The following CCDC178 variants were observed in gnomAD, a reference collection of about 807,000 sequenced individuals.
The protein encoded by CCDC178 is coiled-coil domain containing 178, also known as coiled-coil domain-containing protein 178.
A neutral mutation model predicts 117.4 loss-of-function variants in CCDC178; 126 were observed. The observed-to-expected ratio is 1.07, with a 90% confidence interval of 0.93 to 1.24. The LOEUF (loss-of-function observed/expected upper bound fraction) is 1.24, where lower values mean the gene tolerates loss of function less well. CCDC178 is among the 50% of genes most tolerant of loss of function. The probability of loss-of-function intolerance (pLI) is 0.00; values close to 1 mark genes in which losing one functional copy is unlikely to be tolerated. For missense variants in CCDC178, 1,030 were observed against 986.9 expected, an observed-to-expected ratio of 1.04 and a Z score of -0.59; for synonymous variants, 283 against 313.4, an observed-to-expected ratio of 0.90 and a Z score of 1.02.
chr18:33,198,123 C>A (rs2058953407), intron 20 of CCDC178, among the ~76,000 whole-genome samples: 1 of 152,120 alleles, frequency 6.6e-6, no homozygotes, highest in South Asian at 2.1e-4. Context: ...CAGGACACTG[C>A]AAGTCATATT....
At chr18:33,154,516 A>G (rs1212059777) in intron 20 of CCDC178, among the ~76,000 whole-genome samples, 3 of 152,178 alleles carry the variant, frequency 2.0e-5, no homozygotes, top group African/African-American at 7.2e-5. Context: ...ATTTTAGTAG[A>G]GAACAACAAT....
At chr18:33,216,254 G>T (rs970615151) in intron 18 of CCDC178, among the ~76,000 whole-genome samples, 6 of 152,052 alleles carry the variant, frequency 3.9e-5, no homozygotes, top group African/African-American at 7.2e-5. Flanking sequence ...ATGCAAACAT[G>T]TCGTCACTGG....
chr18:33,436,962 T>A (rs969798412), intron 2 of CCDC178, among the ~76,000 whole-genome samples: 4 of 152,174 alleles, frequency 2.6e-5, no homozygotes, highest in African/African-American at 9.7e-5. Flanking sequence ...TAGGTCCTTT[T>A]TCATGCATAT....
At chr18:33,060,626 C>T (rs1321321699) in intron 21 of CCDC178, among the ~76,000 whole-genome samples, 76 of 151,952 alleles carry the variant, frequency 5.0e-4, no homozygotes, top group South Asian at 2.1e-4. Context: ...AACTTTCCCG[C>T]TATTGGTGAA....
intron 20 of CCDC178, among the ~76,000 whole-genome samples, chr18:33,134,391 T>C (rs2144268073): frequency 6.6e-6 from 1 of 152,118 alleles, no homozygotes; most frequent in Middle Eastern, 3.4e-3. Flanking sequence ...AACAGCAGTT[T>C]TAAAAACAGT....
rs539220744 is a variant in CCDC178, at chr18:33,256,628, A to G, written c.1409+10288T>C. On this transcript the variant is annotated intron_variant, in intron 14 of 22. Coordinates refer to ENST00000383096, the MANE Select transcript of CCDC178 (RefSeq NM_001105528.4). Reference sequence around the variant, plus strand: ...AAAATCTATGTTCTAAAAATTATAGATCATCTGCCATTATCTTTTTGAATA... The same window carrying G: ...AAAATCTATGTTCTAAAAATTATAGGTCATCTGCCATTATCTTTTTGAATA... Among the ~76,000 whole-genome samples, 12 of 152,178 alleles carry G rather than the reference A, an allele frequency of 7.9e-5. No homozygotes were observed. The South Asian group carries it at 2.5e-3, about 32-fold the overall frequency.
intron 10 of CCDC178, among the ~76,000 whole-genome samples, chr18:33,326,898 C>T (rs973381738): frequency 4.6e-5 from 7 of 151,960 alleles, no homozygotes; most frequent in Non-Finnish European, 5.9e-5. Flanking sequence ...TCAATTAGCC[C>T]AAAGTATCAG....
At chr18:32,983,095 C>A (rs2055185957) in intron 21 of CCDC178, among the ~76,000 whole-genome samples, 1 of 151,648 alleles carries the variant, frequency 6.6e-6, no homozygotes, top group Non-Finnish European at 1.5e-5. Context: ...ACCTTCCACT[C>A]CATTTTGCTG....
At chr18:33,114,254 T>C (rs2057822252) in intron 20 of CCDC178, among the ~76,000 whole-genome samples, 1 of 151,908 alleles carries the variant, frequency 6.6e-6, no homozygotes, top group Admixed American at 6.6e-5. Flanking sequence ...GGAGAAAGAA[T>C]ATGGAGGAAG....
chr18:33,424,250 GAAGAT>G (rs1417261529), intron 2 of CCDC178, among the ~76,000 whole-genome samples: 1 of 151,914 alleles, frequency 6.6e-6, no homozygotes, highest in Admixed American at 6.6e-5. Context: ...CTTTTGTAAA[GAAGAT>G]AAAAACGGTT....
intron 11 of CCDC178, among the ~76,000 whole-genome samples, chr18:33,301,807 T>C (rs1272182409): frequency 6.6e-6 from 1 of 152,194 alleles, no homozygotes; most frequent in Non-Finnish European, 1.5e-5. Context: ...TTTGATTTTA[T>C]AGGCTCAAAG....
chr18:33,382,234 T>C (rs1349474358), intron 5 of CCDC178, among the ~76,000 whole-genome samples: 1 of 152,192 alleles, frequency 6.6e-6, no homozygotes, highest in African/African-American at 2.4e-5. Context: ...AAGAAATAAG[T>C]ATGAACCCCA....
intron 21 of CCDC178, among the ~76,000 whole-genome samples, chr18:33,012,045 T>A (rs2055882279): frequency 6.6e-6 from 1 of 152,164 alleles, no homozygotes; most frequent in Non-Finnish European, 1.5e-5. Context: ...TCTATCACAA[T>A]AATTAAGTGG....
At chr18:33,203,342 G>T (rs1437168872) in intron 20 of CCDC178, among the ~76,000 whole-genome samples, 1 of 151,852 alleles carries the variant, frequency 6.6e-6, no homozygotes, top group East Asian at 1.9e-4. Context: ...TTTTAAGTTT[G>T]CTTTCCTGTC....
intron 9 of CCDC178, among the ~76,000 whole-genome samples, chr18:33,343,386 C>T (rs1042988723): frequency 6.6e-6 from 1 of 152,126 alleles, no homozygotes; most frequent in African/African-American, 2.4e-5. Flanking sequence ...TTCTAGTTAT[C>T]TTTTTTGATA....
rs544304150 is a variant in CCDC178 at position 33,357,546 on chromosome 18, G to C, written c.349-1200C>G. On this transcript the variant is annotated intron_variant, in intron 6 of 22. Transcript: ENST00000383096. ...AATTGTAATGTGTTACCAAAGAGTG[G>C]TGAATACAAAATTATACCTGAGTTC... 3.3e-5 allele frequency among the ~76,000 whole-genome samples: 5 copies of C among 152,142 alleles called. No homozygotes were observed. In the South Asian group the frequency reaches 1.0e-3, roughly 32 times the overall value.
chr18:32,999,759 T>C (rs1308258064), intron 21 of CCDC178, among the ~76,000 whole-genome samples: 6 of 152,172 alleles, frequency 3.9e-5, no homozygotes, highest in African/African-American at 1.4e-4. Context: ...TCTATGTGTC[T>C]GTAAGAGCCA....
rs528394529 is a variant in CCDC178, at chr18:33,370,358, T to C, written c.209-169A>G. On this transcript the variant is annotated intron_variant, in intron 5 of 22. Coordinates refer to ENST00000383096, the MANE Select transcript of CCDC178 (RefSeq NM_001105528.4). The stretch of plus-strand genomic sequence containing the variant: ...TTATAGAACAAATCTTTAAAAAACG[T>C]ACAAGCTAAAATAAAATAATCATTT... Among the ~76,000 whole-genome samples the C allele has an allele frequency of 2.0e-5, 3 of 151,974 alleles. No homozygotes were observed. In the South Asian group the frequency reaches 6.2e-4, roughly 32 times the overall value.
intron 21 of CCDC178, among the ~76,000 whole-genome samples, chr18:33,041,494 T>A (rs1305200095): frequency 6.6e-6 from 1 of 150,966 alleles, no homozygotes; most frequent in African/African-American, 2.4e-5. Flanking sequence ...GATCAAGTGA[T>A]GTCTATTTTA....
Sources: gnomAD v4.1 joint callset for allele counts (sites outside exome capture counted in the v4.1 genomes callset) on GRCh38, gnomAD v4.1.1 for gene constraint, MANE v1.5 for transcripts, NCBI Gene and HGNC (gene_info 2026-07-23, HGNC 2026-07-21) for gene names.